Variants in GRK3 observed in about 807,000 individuals in gnomAD.
The protein encoded by GRK3 is adrenergic, beta, receptor kinase 2.
A neutral mutation model predicts 95.7 loss-of-function variants in GRK3; 54 were observed. The observed-to-expected ratio is 0.56, with a 90% CI of 0.45 to 0.71. The LOEUF (loss-of-function observed/expected upper bound fraction) is 0.71, where lower values mean the gene tolerates loss of function less well. Ranked by LOEUF, GRK3 falls within the 30% of genes least tolerant of loss-of-function variation. The pLI, the probability that GRK3 is intolerant of heterozygous loss-of-function variation, is 0.00. For synonymous variants in GRK3, 281 were observed against 290.8 expected, an observed-to-expected ratio of 0.97 and a Z score of 0.34; for missense variants, 649 against 851.2, an observed-to-expected ratio of 0.76 and a Z score of 2.96.
At chr22:25,575,350 G>A (rs1931853893) in intron 1 of GRK3, among the ~76,000 whole-genome samples, 1 of 152,166 alleles carries the variant, frequency 6.6e-6, no homozygotes, top group Non-Finnish European at 1.5e-5. Context: ...GATAGAAACA[G>A]CAGGGCAAGT....
At chr22:25,695,748 G>A (rs1404973283) in intron 13 of GRK3, among the ~76,000 whole-genome samples, 2 of 151,742 alleles carry the variant, frequency 1.3e-5, no homozygotes, top group South Asian at 2.1e-4. Flanking sequence ...CTGTAGCCTC[G>A]ACCTCCTGGG....
At position 25,703,493 on chromosome 22, in the gene GRK3, A is replaced by G. The variant is rs757724669; in HGVS notation, c.1161-17A>G. On this transcript the variant is annotated splice_polypyrimidine_tract_variant and intron_variant, in intron 13 of 20. Coordinates refer to ENST00000324198, the MANE Select transcript of GRK3 (RefSeq NM_005160.4). ...CCTGATGCCATATTTTGATAGAACA[A>G]TTCTTTATTTCTACAGTCACAGCCC... 3 of 1,602,964 alleles carry G rather than the reference A, an allele frequency of 1.9e-6. No individual in the cohort carries two copies. The highest frequency in any genetic ancestry group is 2.2e-5 in the South Asian group (2 of 90,682).
At chr22:25,585,071 A>G (rs1932249766) in intron 1 of GRK3, among the ~76,000 whole-genome samples, 1 of 152,274 alleles carries the variant, frequency 6.6e-6, no homozygotes, top group Non-Finnish European at 1.5e-5. Flanking sequence ...CTGACTAGGG[A>G]GGGGACTGGG....
intron 8 of GRK3, among the ~76,000 whole-genome samples, chr22:25,675,116 C>G (rs528899866): frequency 6.6e-6 from 1 of 152,120 alleles, no homozygotes; most frequent in Non-Finnish European, 1.5e-5. Flanking sequence ...TAGAAGGGAT[C>G]CTTGACAACT....
chr22:25,607,180 G>A (rs528665596), intron 2 of GRK3, among the ~76,000 whole-genome samples: 11 of 151,620 alleles, frequency 7.3e-5, no homozygotes, highest in African/African-American at 2.7e-4. Context: ...GTCTTTTTTT[G>A]TGGTTACTGA....
chr22:25,578,511 G>A (rs1002155699), intron 1 of GRK3, among the ~76,000 whole-genome samples: 4 of 152,134 alleles, frequency 2.6e-5, no homozygotes, highest in East Asian at 1.9e-4. Context: ...ACAAGGGGGC[G>A]TTAGGGGTGT....
At chr22:25,696,293 T>A (rs1413511041) in intron 13 of GRK3, among the ~76,000 whole-genome samples, 2 of 152,190 alleles carry the variant, frequency 1.3e-5, no homozygotes. Flanking sequence ...AAACCCATTT[T>A]AAAAAGCTTG....
chr22:25,568,684 T>G (rs1014299420), intron 1 of GRK3, among the ~76,000 whole-genome samples: 5 of 152,184 alleles, frequency 3.3e-5, no homozygotes, highest in Non-Finnish European at 7.4e-5. Flanking sequence ...TATAGACTAG[T>G]GTGAAATACA....
chr22:25,695,746 T>G (rs1367454509), intron 13 of GRK3, among the ~76,000 whole-genome samples: 1 of 152,006 alleles, frequency 6.6e-6, no homozygotes, highest in East Asian at 1.9e-4. Flanking sequence ...CACTGTAGCC[T>G]CGACCTCCTG....
At chr22:25,616,009 A>G (rs1265984846) in intron 2 of GRK3, among the ~76,000 whole-genome samples, 1 of 148,842 alleles carries the variant, frequency 6.7e-6, no homozygotes, top group Non-Finnish European at 1.5e-5. Context: ...CAGGGCAGGG[A>G]GTACAGTGGG....
intron 3 of GRK3, among the ~76,000 whole-genome samples, chr22:25,653,299 A>G (rs537589454): frequency 3.9e-4 from 59 of 152,356 alleles, no homozygotes; most frequent in Middle Eastern, 3.4e-3. Context: ...TATACTGCTT[A>G]CAAGAGATAT....
In GRK3 at chr22:25,564,796, G is replaced by C. The variant is rs1931375151; in HGVS notation, c.-245G>C. On this transcript the variant is annotated 5_prime_UTR_variant, in exon 1 of 21. Coordinates refer to ENST00000324198, the MANE Select transcript of GRK3 (RefSeq NM_005160.4). ...GGAGCAGGGGGCGGCGCGCGTGCGCGGGGCGCCGGGCGGCGCGCGAGGGGG... is the reference window on the plus strand; with the variant it reads ...GGAGCAGGGGGCGGCGCGCGTGCGCCGGGCGCCGGGCGGCGCGCGAGGGGG... 1 of 148,962 alleles carries C rather than the reference G, an allele frequency of 6.7e-6. No homozygotes were observed. The highest frequency in any genetic ancestry group is 2.4e-5 in the African/African-American group (1 of 40,940). 9.2% of individuals were successfully genotyped at this position (148,962 alleles called of 1,614,324 possible).
intron 2 of GRK3, among the ~76,000 whole-genome samples, chr22:25,623,550 C>G (rs2084603241): frequency 6.6e-6 from 1 of 152,136 alleles, no homozygotes; most frequent in African/African-American, 2.4e-5. Flanking sequence ...AATGTGTTGC[C>G]CTTGCCTCTA....
chr22:25,648,837 A>G (rs2084806928), intron 3 of GRK3: 3 of 1,134,820 alleles, frequency 2.6e-6, no homozygotes, highest in Non-Finnish European at 4.0e-6. Flanking sequence ...TCTGTGCAAA[A>G]TAGCAGATTT....
chr22:25,720,908 C>G (rs1322258866), intron 19 of GRK3, among the ~76,000 whole-genome samples: 1 of 152,214 alleles, frequency 6.6e-6, no homozygotes, highest in Non-Finnish European at 1.5e-5. Flanking sequence ...GAACCACACA[C>G]CTTTGGCTCA....
chr22:25,722,300 G>T lies in GRK3; in HGVS notation c.1917G>T (p.Glu639Asp). Residue 639 changes from glutamate to aspartate, a missense_variant, in exon 21 of 21, where the codon GAG becomes GAT. Around this residue, in one of 3 missense-constraint regions of GRK3, gnomAD observed 382 missense variants for 493.8 expected, o/e 0.77. Transcript: ENST00000324198. ...QFVLQCESDP[E>D]FVQWKKELNE... ...GTATTCCCCCTCAGAGTGATCCAGA[G>T]TTTGTGCAGTGGAAGAAAGAGTTGA... is the stretch of plus-strand genomic sequence containing the variant. The T allele has an allele frequency of 6.2e-7, 1 of 1,614,200 alleles. No homozygotes were observed. The highest frequency in any genetic ancestry group is 8.5e-7 in the Non-Finnish European group (1 of 1,180,028).
At chr22:25,694,988 C>G in intron 12 of GRK3, 119 bp from the exon 13 acceptor site, 1 of 634,170 alleles carries the variant, frequency 1.6e-6, no homozygotes, top group South Asian at 2.2e-5. Context: ...GCACAACTGT[C>G]CCCTCTCCTT....
chr22:25,599,524 G>A (rs1367853142), intron 1 of GRK3, among the ~76,000 whole-genome samples: 2 of 150,836 alleles, frequency 1.3e-5, no homozygotes, highest in East Asian at 1.9e-4. Flanking sequence ...CCCGGGAGGC[G>A]GAGCTTGCAG....
At chr22:25,712,750 T>C (rs1042682927) in intron 17 of GRK3, among the ~76,000 whole-genome samples, 1 of 152,244 alleles carries the variant, frequency 6.6e-6, no homozygotes, top group Non-Finnish European at 1.5e-5. Context: ...TGCTGAAGGC[T>C]ACAGGCATAT....
Sources: gnomAD v4.1 joint callset for allele counts (sites outside exome capture counted in the v4.1 genomes callset) on GRCh38, gnomAD v4.1.1 for gene constraint, gnomAD v4.1.1 regional missense constraint, MANE v1.5 for transcripts, NCBI Gene and HGNC (gene_info 2026-07-23, HGNC 2026-07-21) for gene names.